USP22: variants seen among roughly 807,000 people sequenced by gnomAD.
The protein encoded by USP22 is ubiquitin carboxyl-terminal hydrolase 22.
USP22 carries 22 observed loss-of-function variants against 68.1 expected under a neutral mutation model. That is an observed-to-expected ratio of 0.32 (90% CI 0.23 to 0.46). The LOEUF (loss-of-function observed/expected upper bound fraction) is 0.46, where lower values mean the gene tolerates loss of function less well. Among genes scored for constraint, USP22 ranks in the 20% least tolerant of loss-of-function variants. The pLI is 1.00. For missense variants in USP22, 433 were observed against 695.8 expected (o/e 0.62, Z 4.25); for synonymous variants, 279 against 274.2 (o/e 1.02, Z -0.17).
chr17:21,009,075 GA>G (rs1015943525), intron 8 of USP22, among the ~76,000 whole-genome samples: 1 of 104,676 alleles, frequency 9.6e-6, no homozygotes, highest in Non-Finnish European at 1.7e-5. Context: ...TGGGCAACAA[GA>G]GCAAGACTCC....
intron 11 of USP22, among the ~76,000 whole-genome samples, 138 bp downstream of exon 11, chr17:21,004,768 CTAGTGGAGCTGCGGGCAGCCAA>C (rs66644145): frequency 0.63 from 95,763 of 151,688 alleles, 33,362 homozygotes; most frequent in South Asian, 0.82. Context: ...GCGGCCTTTC[CTAGTGGAGCTGCGGGCAGCCAA>C]TAGTGGAGCT....
At chr17:21,029,877 G>A (rs1384946940) in intron 1 of USP22, among the ~76,000 whole-genome samples, 1 of 152,200 alleles carries the variant, frequency 6.6e-6, no homozygotes, top group Non-Finnish European at 1.5e-5. Context: ...CCAGGGGCTG[G>A]GGACAGGGAG....
intron 5 of USP22, 40 bp downstream of exon 5, chr17:21,017,902 G>T (rs1211865449): frequency 6.3e-7 from 1 of 1,599,924 alleles, no homozygotes; most frequent in African/African-American, 1.4e-5. Context: ...TGAAAACAAA[G>T]TAACAGAAAT....
At chr17:21,019,493 C>T (rs144129922) in intron 3 of USP22, among the ~76,000 whole-genome samples, 1 of 152,362 alleles carries the variant, frequency 6.6e-6, no homozygotes, top group African/African-American at 2.4e-5. Flanking sequence ...TCCTTCAGCA[C>T]AGAGATGGCA....
chr17:21,039,702 G>C (rs1470407805), intron 1 of USP22, among the ~76,000 whole-genome samples: 1 of 152,166 alleles, frequency 6.6e-6, no homozygotes, highest in Non-Finnish European at 1.5e-5. Flanking sequence ...TCTGTCCTTA[G>C]ATAACAAAAC....
chr17:21,026,553 C>T (rs1025482748), intron 2 of USP22, among the ~76,000 whole-genome samples: 1 of 151,814 alleles, frequency 6.6e-6, no homozygotes, highest in African/African-American at 2.4e-5. Context: ...TGAGCTCCTG[C>T]GCTCAGGTAA....
intron 1 of USP22, among the ~76,000 whole-genome samples, chr17:21,038,601 G>A (rs1216187439): frequency 2.6e-5 from 4 of 151,652 alleles, no homozygotes; most frequent in Admixed American, 1.3e-4. Flanking sequence ...CCAGGAACTC[G>A]AGGCTGCAGT....
Position 21,003,107 on chromosome 17 carries a change from C to G in USP22, c.1536-34G>C, listed in dbSNP as rs201042226. 8 of 1,612,710 alleles carry G rather than the reference C, an allele frequency of 5.0e-6. No homozygotes were observed. In the Admixed American group the frequency reaches 1.3e-4, roughly 27 times the overall value. ...GCAGAGAGAGGGAGGAGGCTCACCTCTAACTCCTAAGACAGGAGCCAGAAC... is the reference window on the plus strand; with the variant it reads ...GCAGAGAGAGGGAGGAGGCTCACCTGTAACTCCTAAGACAGGAGCCAGAAC... On this transcript the variant is annotated intron_variant, in intron 12 of 12. Transcript: ENST00000261497.
chr17:21,021,072 G>T, intron 3 of USP22, 41 bp downstream of exon 3: 2 of 1,490,842 alleles, frequency 1.3e-6, no homozygotes, highest in Non-Finnish European at 9.4e-7. Flanking sequence ...GGACATGAGG[G>T]AACTGCAGGA....
intron 4 of USP22, chr17:21,018,483 G>A (rs1972115193): frequency 5.7e-6 from 1 of 174,836 alleles, no homozygotes; most frequent in Admixed American, 5.6e-5. Context: ...GGGAAGCCAA[G>A]GCATGAGGAT....
intron 7 of USP22, 128 bp downstream of exon 7, chr17:21,012,702 G>A (rs575692559): frequency 5.5e-5 from 46 of 830,904 alleles, no homozygotes; most frequent in African/African-American, 2.9e-4. Context: ...CTCTCATGGC[G>A]TCTATTAATC....
chr17:21,022,314 T>A (rs903031540), intron 2 of USP22, among the ~76,000 whole-genome samples: 7 of 148,962 alleles, frequency 4.7e-5, no homozygotes, highest in Admixed American at 6.7e-5. Flanking sequence ...AACATAAACC[T>A]TTATTTTATG....
At position 20,999,627 on chromosome 17, in the gene USP22, G is replaced by A. The variant is rs550684172; in HGVS notation, c.*3404C>T. On this transcript the variant is annotated 3_prime_UTR_variant, in exon 13 of 13. Coordinates refer to ENST00000261497, the MANE Select transcript of USP22 (RefSeq NM_015276.2). ...AAAATGTAGCTTTATTATGACATAGGAGAGACTACAAAGCACTGGGGGGGA... is the reference window on the plus strand; with the variant it reads ...AAAATGTAGCTTTATTATGACATAGAAGAGACTACAAAGCACTGGGGGGGA... 1 of 152,208 alleles carries A rather than the reference G, an allele frequency of 6.6e-6. No homozygotes were observed. Among genetic ancestry groups the A allele is most frequent in the South Asian group, 2.1e-4 (1 of 4,824 alleles). 9.4% of individuals were successfully genotyped at this position (152,208 alleles called of 1,614,324 possible). A position where few individuals can be genotyped will look rare whatever the true frequency, so the allele number is the denominator to read the frequency against.
rs371262917 is a variant in USP22, at chr17:21,042,841, G to A, written c.-6C>T. 1.4e-3 allele frequency: 1,778 copies of A among 1,290,146 alleles called. 1 individual carries two copies. Among genetic ancestry groups the A allele is most frequent in the Non-Finnish European group, 1.6e-3 (1,588 of 1,017,090 alleles). The allele number at this position is 1,290,146 out of a possible 1,614,324, so 79.9% of individuals were successfully genotyped here. On this transcript the variant is annotated 5_prime_UTR_variant, in exon 1 of 13. Transcript: ENST00000261497. The stretch of plus-strand genomic sequence containing the variant: ...GGCTCTGGCCGGGACACCATGGGGG[G>A]CAAGGCCCGGCCGCGCGCGGGGGGC...
intron 1 of USP22, among the ~76,000 whole-genome samples, chr17:21,040,177 C>A (rs1972408698): frequency 6.6e-6 from 1 of 152,096 alleles, no homozygotes; most frequent in South Asian, 2.1e-4. Flanking sequence ...TCTGTCTCTA[C>A]AAAAAATAAT....
At chr17:21,020,538 G>A (rs1972144323) in intron 3 of USP22, among the ~76,000 whole-genome samples, 1 of 152,056 alleles carries the variant, frequency 6.6e-6, no homozygotes, top group Non-Finnish European at 1.5e-5. Flanking sequence ...CATCTGGTGG[G>A]TGCACGCTGT....
At position 21,000,706 on chromosome 17, in the gene USP22, CT is replaced by C. The variant is rs2143486953; in HGVS notation, c.*2324del. The C allele has an allele frequency of 6.6e-6, 1 of 152,352 alleles. No homozygotes were observed. Among genetic ancestry groups the C allele is most frequent in the South Asian group, 2.1e-4 (1 of 4,824 alleles). The allele number at this position is 152,352 out of a possible 1,614,324, so 9.4% of individuals were successfully genotyped here. On this transcript the variant is annotated 3_prime_UTR_variant, in exon 13 of 13. Coordinates refer to ENST00000261497, the MANE Select transcript of USP22 (RefSeq NM_015276.2). The stretch of plus-strand genomic sequence containing the variant: ...AAGCCTTCATGAAGGCACTGCCCAG[CT>C]CACAATCCTGTGGGCCAACTTCAGT...
chr17:21,041,309 A>G (rs1309459145), intron 1 of USP22, among the ~76,000 whole-genome samples: 5 of 152,146 alleles, frequency 3.3e-5, no homozygotes, highest in Admixed American at 2.6e-4. Context: ...GATAAAAAAA[A>G]TTTTGAGGCC....
intron 1 of USP22, among the ~76,000 whole-genome samples, chr17:21,040,158 G>C (rs1465184537): frequency 1.3e-5 from 2 of 152,150 alleles, no homozygotes; most frequent in African/African-American, 4.8e-5. Flanking sequence ...CTGGGTAACA[G>C]AGCAAGACTC....
Sources: gnomAD v4.1 joint callset for allele counts (sites outside exome capture counted in the v4.1 genomes callset) on GRCh38, gnomAD v4.1.1 for gene constraint, MANE v1.5 for transcripts, NCBI Gene and HGNC (gene_info 2026-07-23, HGNC 2026-07-21) for gene names.